Variants in SLC10A7 observed in about 807,000 individuals in gnomAD.
SLC10A7 encodes solute carrier family 10 member 7.
In SLC10A7, 29 loss-of-function variants were observed where a neutral mutation model predicts 43.2. The ratio of observed to expected loss-of-function variants is 0.67; its 90% CI spans 0.50 to 0.92. The LOEUF (loss-of-function observed/expected upper bound fraction) is 0.92, where lower values mean the gene tolerates loss of function less well. SLC10A7 is among the 40% of genes least tolerant of loss of function. The pLI is 0.00. For missense variants in SLC10A7, 295 were observed against 403.2 expected (o/e 0.73, Z 2.30); for synonymous variants, 152 against 144.8 (o/e 1.05, Z -0.35).
intron 5 of SLC10A7, among the ~76,000 whole-genome samples, chr4:146,336,471 C>A (rs1733903637): frequency 6.6e-6 from 1 of 151,986 alleles, no homozygotes; most frequent in Non-Finnish European, 1.5e-5. Context: ...TGTGTACAAT[C>A]CACTTTCTTC....
chr4:146,440,523 C>A (rs1487423173), intron 5 of SLC10A7, among the ~76,000 whole-genome samples: 1 of 152,096 alleles, frequency 6.6e-6, no homozygotes, highest in Non-Finnish European at 1.5e-5. Context: ...CATACTTGGA[C>A]AGCTCCCTCC....
At position 146,328,493 on chromosome 4, in the gene SLC10A7, G is replaced by C. The variant is rs144700214; in HGVS notation, c.436-2497C>G. Among the ~76,000 whole-genome samples the C allele has an allele frequency of 3.9e-3, 597 of 152,202 alleles. 2 individuals are homozygous for C. Among genetic ancestry groups the C allele is most frequent in the African/African-American group, 0.013 (547 of 41,530 alleles). On this transcript the variant is annotated intron_variant, in intron 5 of 11. Transcript: ENST00000335472. ...TCATCGGTGGACCTTAGGAGAAGCT[G>C]TTCCTCTTCTACCACTGCTGCTGCC...
intron 10 of SLC10A7, among the ~76,000 whole-genome samples, chr4:146,259,973 A>G (rs997136612): frequency 6.6e-6 from 1 of 152,230 alleles, no homozygotes; most frequent in African/African-American, 2.4e-5. Context: ...GAACACAACA[A>G]GGAAGGCTTA....
intron 5 of SLC10A7, among the ~76,000 whole-genome samples, chr4:146,357,073 C>A (rs953839175): frequency 1.3e-5 from 2 of 152,086 alleles, no homozygotes; most frequent in Non-Finnish European, 2.9e-5. Context: ...AGGAGAGGTA[C>A]GTCACCCATG....
In SLC10A7 at chr4:146,325,942, A is replaced by C; in HGVS notation, c.471+19T>G. 2 of 1,605,262 alleles carry C rather than the reference A, an allele frequency of 1.2e-6. No homozygotes were observed. Among genetic ancestry groups the C allele is most frequent in the Non-Finnish European group, 1.7e-6 (2 of 1,174,158 alleles). ...TAGCTTTTAATAAAATATATTAAAG[A>C]CAACATCAAAATACTCACAAAAAGC... On this transcript the variant is annotated intron_variant, in intron 6 of 11. Transcript: ENST00000335472.
chr4:146,301,752 C>T (rs1311556376), intron 7 of SLC10A7, among the ~76,000 whole-genome samples: 3 of 152,114 alleles, frequency 2.0e-5, no homozygotes, highest in Admixed American at 6.5e-5. Context: ...GGAGGTAAGG[C>T]TAATTGGTGG....
intron 5 of SLC10A7, among the ~76,000 whole-genome samples, chr4:146,327,755 C>T (rs1406004565): frequency 1.3e-5 from 2 of 152,222 alleles, no homozygotes; most frequent in African/African-American, 4.8e-5. Flanking sequence ...ACCGGCGCTG[C>T]CACAACTACC....
At chr4:146,456,896 C>T (rs1166667639) in intron 4 of SLC10A7, among the ~76,000 whole-genome samples, 1 of 151,866 alleles carries the variant, frequency 6.6e-6, no homozygotes, top group East Asian at 1.9e-4. Context: ...ACCTCATTAG[C>T]CTAACAAAGA....
chr4:146,396,381 G>A (rs914318253), intron 5 of SLC10A7, among the ~76,000 whole-genome samples: 4 of 152,064 alleles, frequency 2.6e-5, no homozygotes, highest in Admixed American at 2.6e-4. Context: ...TTTACCAAAA[G>A]CTTTAAATCA....
At chr4:146,480,930 A>AGGAAAAACCATGGAAAGT (rs1447651223) in intron 4 of SLC10A7, among the ~76,000 whole-genome samples, 2 of 152,172 alleles carry the variant, frequency 1.3e-5, no homozygotes, top group Non-Finnish European at 2.9e-5. Flanking sequence ...GCAAATAAAC[A>AGGAAAAACCATGGAAAGT]GGAAAAACCA....
At chr4:146,299,605 A>G (rs1731020090) in intron 7 of SLC10A7, among the ~76,000 whole-genome samples, 1 of 152,194 alleles carries the variant, frequency 6.6e-6, no homozygotes, top group African/African-American at 2.4e-5. Flanking sequence ...CAAGACTGGC[A>G]TGTTTGAGAA....
chr4:146,309,001 T>C (rs996793632), intron 6 of SLC10A7, among the ~76,000 whole-genome samples: 9 of 152,158 alleles, frequency 5.9e-5, no homozygotes, highest in African/African-American at 2.2e-4. Context: ...AAAAACCCCT[T>C]GTGTCAAGCT....
intron 4 of SLC10A7, among the ~76,000 whole-genome samples, chr4:146,449,659 A>T (rs955832626): frequency 6.6e-6 from 1 of 151,994 alleles, no homozygotes; most frequent in Non-Finnish European, 1.5e-5. Context: ...AAAAAATAAA[A>T]ACACAAACCA....
chr4:146,319,683 G>T (rs532415612), intron 6 of SLC10A7, among the ~76,000 whole-genome samples: 2 of 152,036 alleles, frequency 1.3e-5, no homozygotes, highest in African/African-American at 4.8e-5. Flanking sequence ...TAACTTTTTT[G>T]AGGAATTCTG....
At chr4:146,452,091 A>G (rs576195698) in intron 4 of SLC10A7, among the ~76,000 whole-genome samples, 3 of 152,258 alleles carry the variant, frequency 2.0e-5, no homozygotes, top group East Asian at 3.9e-4. Flanking sequence ...CAAGGAAAAA[A>G]TAATAAAGGA....
chr4:146,423,407 C>T (rs1729097486), intron 5 of SLC10A7, among the ~76,000 whole-genome samples: 1 of 152,104 alleles, frequency 6.6e-6, no homozygotes, highest in Non-Finnish European at 1.5e-5. Flanking sequence ...ATGAAAATTA[C>T]AATAATAGTT....
In SLC10A7 at chr4:146,521,425, C is replaced by T. The variant is rs75265549; in HGVS notation, c.100+193G>A. 1.4e-3 allele frequency among the ~76,000 whole-genome samples: 214 copies of T among 152,298 alleles called. 2 individuals are homozygous for T. Among genetic ancestry groups the T allele is most frequent in the African/African-American group, 4.9e-3 (205 of 41,564 alleles). On this transcript the variant is annotated intron_variant, in intron 1 of 11. Transcript: ENST00000335472. ...GGAAAAGGCTACCTGCCCTCAAATT[C>T]CTTTGCCTCGTTCCTAATTACAAGT...
At chr4:146,261,422 C>A (rs528834767) in intron 10 of SLC10A7, among the ~76,000 whole-genome samples, 2 of 149,314 alleles carry the variant, frequency 1.3e-5, no homozygotes, top group East Asian at 1.9e-4. Context: ...TTCCCTTTGC[C>A]CCCCCAGCTC....
intron 5 of SLC10A7, among the ~76,000 whole-genome samples, chr4:146,370,511 T>A (rs1289335464): frequency 1.3e-5 from 2 of 152,172 alleles, no homozygotes; most frequent in Non-Finnish European, 2.9e-5. Context: ...TCAGCTTATA[T>A]TCCTAAAGGG....
Sources: allele counts gnomAD v4.1 joint callset (sites outside exome capture counted in the v4.1 genomes callset), GRCh38; gene constraint gnomAD v4.1.1; transcripts MANE v1.5; gene names NCBI Gene and HGNC (gene_info 2026-07-23, HGNC 2026-07-21).